Variants in LRP8 observed in about 807,000 individuals in gnomAD.
LRP8 encodes LDL receptor related protein 8, also known as low-density lipoprotein receptor-related protein 8.
In LRP8, 46 loss-of-function variants were observed where a neutral mutation model predicts 111.6. The ratio of observed to expected loss-of-function variants is 0.41; its 90% confidence interval spans 0.33 to 0.53. The LOEUF is 0.53. LRP8 is among the 20% of genes least tolerant of loss of function. The probability of loss-of-function intolerance (pLI) is 0.20; values close to 1 mark genes in which losing one functional copy is unlikely to be tolerated. For synonymous variants in LRP8, 464 were observed against 511.2 expected (o/e 0.91, Z 1.24); for missense variants, 959 against 1,297.4 (o/e 0.74, Z 4.01).
intron 2 of LRP8, among the ~76,000 whole-genome samples, chr1:53,299,461 A>C (rs1004450092): frequency 3.0e-4 from 45 of 152,214 alleles, no homozygotes; most frequent in African/African-American, 1.0e-3. Context: ...TGGGAAATCC[A>C]TCTCCTGGTG....
intron 2 of LRP8, among the ~76,000 whole-genome samples, chr1:53,319,050 G>C (rs541979712): frequency 1.3e-5 from 2 of 152,322 alleles, no homozygotes; most frequent in South Asian, 4.1e-4. Flanking sequence ...ATCAGTTGAA[G>C]TGAGTTTTAG....
chr1:53,319,985 C>T (rs932825699), intron 2 of LRP8, among the ~76,000 whole-genome samples: 1 of 152,282 alleles, frequency 6.6e-6, no homozygotes, highest in South Asian at 2.1e-4. Flanking sequence ...ACAGGCATGG[C>T]CCAGTCCTGC....
Position 53,317,135 on chromosome 1 carries a change from A to G in LRP8, c.244+9738T>C, listed in dbSNP as rs1426546824. Among the ~76,000 whole-genome samples, 7 of 141,386 alleles carry G rather than the reference A, an allele frequency of 5.0e-5. No individual in the cohort carries two copies. The East Asian group carries it at 1.7e-3, about 35-fold the overall frequency. 92.8% of individuals were successfully genotyped at this position (141,386 alleles called of 152,430 possible). A position where few individuals can be genotyped will look rare whatever the true frequency, so the allele number is the denominator to read the frequency against. ...GGGCTCTGAGAGTGTAGGGCAGCAG[A>G]TGGCGGCTCAGGGTCCAGGAAGTGG... On this transcript the variant is annotated intron_variant, in intron 2 of 18. Transcript: ENST00000306052. This position sits in a 1 kb window ranked among gnomAD's most constrained non-coding sequence, Gnocchi z 4.9.
At chr1:53,295,747 G>C (rs1230891350) in intron 2 of LRP8, among the ~76,000 whole-genome samples, 1 of 152,306 alleles carries the variant, frequency 6.6e-6, no homozygotes, top group Non-Finnish European at 1.5e-5. Context: ...AAAGATATCT[G>C]ATTGACGGTT....
intron 4 of LRP8, 30 bp downstream of exon 4, chr1:53,280,557 C>A: frequency 3.7e-6 from 6 of 1,605,724 alleles, no homozygotes; most frequent in Non-Finnish European, 5.1e-6. Flanking sequence ...CCATGCTTGG[C>A]AGACCCTGGA....
chr1:53,262,332 A>C lies in LRP8; in HGVS notation c.1774+114T>G. On this transcript the variant is annotated intron_variant, in intron 11 of 18. Transcript: ENST00000306052. This position sits in a 1 kb window ranked among gnomAD's most constrained non-coding sequence, Gnocchi z 4.8. The stretch of plus-strand genomic sequence containing the variant: ...AGGCCAGCCTACGGCAACCATTAGG[A>C]AACAAAGTCACTGGCACCATGAGAG... The C allele has an allele frequency of 6.6e-7, 1 of 1,522,638 alleles. No individual in the cohort carries two copies. Among genetic ancestry groups the C allele is most frequent in the Non-Finnish European group, 9.0e-7 (1 of 1,107,666 alleles). The allele number at this position is 1,522,638 out of a possible 1,614,324, so 94.3% of individuals were successfully genotyped here.
chr1:53,277,383 C>A (rs1290825332), intron 4 of LRP8, among the ~76,000 whole-genome samples: 1 of 152,178 alleles, frequency 6.6e-6, no homozygotes, highest in Non-Finnish European at 1.5e-5. Context: ...TTGAAGGACC[C>A]TGCTATGGTC....
chr1:53,275,485 C>T lies in LRP8; in HGVS notation c.1006+146G>A. On this transcript the variant is annotated intron_variant, in intron 6 of 18. Transcript: ENST00000306052. This position sits in a 1 kb window ranked among gnomAD's most constrained non-coding sequence, Gnocchi z 4.4. ...TACTAGGACCCCATGGAAAGGGAGC[C>T]AGGTGATTTAGGGGCAAGTGATGCT... is the stretch of plus-strand genomic sequence containing the variant. 1 of 1,063,214 alleles carries T rather than the reference C, an allele frequency of 9.4e-7. No individual in the cohort carries two copies. The highest frequency in any genetic ancestry group is 1.3e-6 in the Non-Finnish European group (1 of 741,008). 65.9% of individuals were successfully genotyped at this position (1,063,214 alleles called of 1,614,324 possible).
Position 53,246,990 on chromosome 1 carries a change from A to G in LRP8, c.*28T>C. ...AGTGTAGTGCATGGGACTGAATTCC[A>G]TGAGGCACGAAGGGGGTGATCCCAT... On this transcript the variant is annotated 3_prime_UTR_variant, in exon 19 of 19. Transcript: ENST00000306052. 6.2e-7 allele frequency: 1 copy of G among 1,603,196 alleles called. No homozygotes were observed. Among genetic ancestry groups the G allele is most frequent in the Non-Finnish European group, 8.5e-7 (1 of 1,174,398 alleles).
At position 53,277,125 on chromosome 1, in the gene LRP8, C is replaced by T. The variant is rs556969147; in HGVS notation, c.497-47G>A. 47 of 1,404,128 alleles carry T rather than the reference C, an allele frequency of 3.3e-5. No homozygotes were observed. The African/African-American group carries it at 6.4e-4, about 19-fold the overall frequency. The allele number at this position is 1,404,128 out of a possible 1,614,324, so 87.0% of individuals were successfully genotyped here. On this transcript the variant is annotated intron_variant, in intron 4 of 18. Coordinates refer to ENST00000306052, the MANE Select transcript of LRP8 (RefSeq NM_004631.5). Reference sequence around the variant, plus strand: ...TCGGCCCGCCGACCCCCTCCCCGGCCGACCTGGGGCCCCGCTGGTCCGGCT... The same window carrying T: ...TCGGCCCGCCGACCCCCTCCCCGGCTGACCTGGGGCCCCGCTGGTCCGGCT...
At chr1:53,298,283 C>A (rs1285549776) in intron 2 of LRP8, among the ~76,000 whole-genome samples, 1 of 152,122 alleles carries the variant, frequency 6.6e-6, no homozygotes, top group Non-Finnish European at 1.5e-5. Flanking sequence ...GACAGACCGA[C>A]AAAGGCGTCT....
At chr1:53,300,207 T>C (rs1650543465) in intron 2 of LRP8, among the ~76,000 whole-genome samples, 1 of 152,234 alleles carries the variant, frequency 6.6e-6, no homozygotes, top group Non-Finnish European at 1.5e-5. Context: ...TCAATGGTTA[T>C]GGACAAGCCA....
At chr1:53,274,764 C>T (rs775240341) in intron 6 of LRP8, 25 of 456,200 alleles carry the variant, frequency 5.5e-5, no homozygotes, top group South Asian at 1.4e-4. Context: ...ACTTTCCCGC[C>T]GTCCACGCGC....
At chr1:53,264,082 T>C in intron 10 of LRP8, 87 bp downstream of exon 10, 1 of 1,332,126 alleles carries the variant, frequency 7.5e-7, no homozygotes. Flanking sequence ...CAGAGCTTTC[T>C]AGAACCCTCA....
At chr1:53,253,258 T>A (rs1645956848) in intron 16 of LRP8, among the ~76,000 whole-genome samples, 1 of 152,200 alleles carries the variant, frequency 6.6e-6, no homozygotes, top group Non-Finnish European at 1.5e-5. Context: ...TTGACAAATC[T>A]GATACTTAAA....
At chr1:53,260,893 A>C (rs1646309551) in intron 12 of LRP8, among the ~76,000 whole-genome samples, 1 of 152,264 alleles carries the variant, frequency 6.6e-6, no homozygotes, top group Middle Eastern at 3.4e-3. Context: ...GCAGAAACCC[A>C]AGGTTAAATC....
intron 2 of LRP8, among the ~76,000 whole-genome samples, chr1:53,316,939 G>A (rs1653888713): frequency 1.3e-5 from 2 of 152,140 alleles, no homozygotes; most frequent in African/African-American, 4.8e-5. Flanking sequence ...TGGGGAGGCG[G>A]GGAGCTCTGG....
At chr1:53,270,877 A>G (rs1275402317) in intron 8 of LRP8, 151 bp downstream of exon 8, 7 of 1,111,072 alleles carry the variant, frequency 6.3e-6, no homozygotes, top group Non-Finnish European at 7.9e-6. Context: ...CTCCCAAGCT[A>G]GACAAGGGAC....
At chr1:53,309,938 A>G (rs895913153) in intron 2 of LRP8, among the ~76,000 whole-genome samples, 1 of 151,778 alleles carries the variant, frequency 6.6e-6, no homozygotes, top group Admixed American at 6.6e-5. Context: ...GCCCAGCCCC[A>G]CCCACCTACC....
Sources: allele counts gnomAD v4.1 joint callset (sites outside exome capture counted in the v4.1 genomes callset), GRCh38; gene constraint gnomAD v4.1.1; non-coding constraint Gnocchi (gnomAD v3.1); transcripts MANE v1.5; gene names NCBI Gene and HGNC (gene_info 2026-07-23, HGNC 2026-07-21).